The following NYNRIN variants were observed in gnomAD, a reference collection of about 807,000 sequenced individuals.
NYNRIN encodes NYN domain and retroviral integrase containing.
In NYNRIN, 86 loss-of-function variants were observed where a neutral mutation model predicts 146.6. That is an observed-to-expected ratio of 0.59 (90% CI 0.49 to 0.70). NYNRIN has a LOEUF of 0.70. Among genes scored for constraint, NYNRIN ranks in the 30% least tolerant of loss-of-function variants. The pLI, the probability that NYNRIN is intolerant of heterozygous loss-of-function variation, is 0.00. For synonymous variants in NYNRIN, 1,027 were observed against 1,001.3 expected, an observed-to-expected ratio of 1.03 and a Z score of -0.48; for missense variants, 2,191 against 2,377.7, an observed-to-expected ratio of 0.92 and a Z score of 1.63.
In NYNRIN at chr14:24,416,866, G is replaced by C. The variant is rs765850035; in HGVS notation, c.5117G>C (p.Arg1706Pro). 1 of 1,607,616 alleles carries C rather than the reference G, an allele frequency of 6.2e-7. No homozygotes were observed. Among genetic ancestry groups the C allele is most frequent in the Non-Finnish European group, 8.5e-7 (1 of 1,176,416 alleles). Residue 1706 changes from arginine (R) to proline (P), a missense_variant, in exon 9 of 9, where the codon CGG becomes CCG. Around this residue, in one of 3 missense-constraint regions of NYNRIN, gnomAD observed 1,291 missense variants for 1,417.0 expected, o/e 0.91. Coordinates refer to ENST00000382554, the MANE Select transcript of NYNRIN (RefSeq NM_025081.3). ...ALGAQVASLSRDLQFPCLTSS... is the reference protein window; with the variant it reads ...ALGAQVASLSPDLQFPCLTSS... The stretch of plus-strand genomic sequence containing the variant: ...GGAGCCCAGGTGGCCTCCCTGAGTC[G>C]GGACCTCCAGTTCCCCTGCCTGACG...
In NYNRIN at chr14:24,411,062, C is replaced by G. The variant is rs770918202; in HGVS notation, c.2415-14C>G. ...TGGTGAGGCAGGGTCTTTCCTTGTC[C>G]CACGACCCCACAGGCATGGCCTGCA... On this transcript the variant is annotated splice_polypyrimidine_tract_variant and intron_variant, in intron 4 of 8. Coordinates refer to ENST00000382554, the MANE Select transcript of NYNRIN (RefSeq NM_025081.3). The surrounding 1 kb of genome is among the most constrained non-coding windows in gnomAD (Gnocchi z 4.3). 1 of 1,613,406 alleles carries G rather than the reference C, an allele frequency of 6.2e-7. No individual in the cohort carries two copies. The highest frequency in any genetic ancestry group is 8.5e-7 in the Non-Finnish European group (1 of 1,179,758).
chr14:24,412,150 AC>A (rs1480531453), intron 6 of NYNRIN, among the ~76,000 whole-genome samples: 1 of 152,180 alleles, frequency 6.6e-6, no homozygotes, highest in Non-Finnish European at 1.5e-5. Flanking sequence ...AAGACCTGGC[AC>A]CCAACCAGGC....
In NYNRIN at chr14:24,413,423, A is replaced by C. The variant is rs935187998; in HGVS notation, c.2846+6A>C. On this transcript the variant is annotated splice_donor_region_variant and intron_variant, in intron 8 of 8. Coordinates refer to ENST00000382554, the MANE Select transcript of NYNRIN (RefSeq NM_025081.3). ...TTTCTGAAGAAGCCAAACAGGTAAT[A>C]GGTCAGACCTCCCCAGCCTCCCAGG... is the stretch of plus-strand genomic sequence containing the variant. The C allele has an allele frequency of 6.3e-7, 1 of 1,591,384 alleles. No individual in the cohort carries two copies. The highest frequency in any genetic ancestry group is 1.8e-5 in the Admixed American group (1 of 56,200).
At chr14:24,403,658 G>A (rs576264944) in intron 2 of NYNRIN, among the ~76,000 whole-genome samples, 2 of 152,332 alleles carry the variant, frequency 1.3e-5, no homozygotes, top group South Asian at 4.1e-4. Context: ...TGCCTGGCAT[G>A]TAGTCAAGAA....
chr14:24,413,592 A>C (rs1470853326), intron 8 of NYNRIN, among the ~76,000 whole-genome samples, 175 bp downstream of exon 8: 1 of 152,256 alleles, frequency 6.6e-6, no homozygotes, highest in Non-Finnish European at 1.5e-5. Context: ...GTAGGTTTTA[A>C]TACATATATG....
chr14:24,413,349 C>T lies in NYNRIN; in HGVS notation c.2778C>T (p.Phe926=). 6.2e-7 allele frequency: 1 copy of T among 1,613,476 alleles called. No individual in the cohort carries two copies. The change falls in exon 8 of 9, where the codon TTC becomes TTT. Residue 926 remains phenylalanine (F), a synonymous_variant. Transcript: ENST00000382554. ...LLPFTFAGNL[F]MVPDDPLGRD... ...CTTTCACCTTTGCGGGGAATCTCTT[C>T]ATGGTGCCTGATGACCCCCTGGGCC...
chr14:24,411,560 G>T lies in NYNRIN; in HGVS notation c.2642+110G>T, dbSNP rs1299332952. On this transcript the variant is annotated intron_variant, in intron 6 of 8. Coordinates refer to ENST00000382554, the MANE Select transcript of NYNRIN (RefSeq NM_025081.3). This position sits in a 1 kb window ranked among gnomAD's most constrained non-coding sequence, Gnocchi z 4.3. ...TGGGGAAATGGAGGCAAACATGTTG[G>T]GGGTGTCGGTTGTGCAGAGGGTGGG... is the stretch of plus-strand genomic sequence containing the variant. 3 of 938,410 alleles carry T rather than the reference G, an allele frequency of 3.2e-6. No individual in the cohort carries two copies. The highest frequency in any genetic ancestry group is 4.8e-5 in the East Asian group (2 of 41,742). 58.1% of individuals were successfully genotyped at this position (938,410 alleles called of 1,614,324 possible).
In NYNRIN at chr14:24,411,439, C is replaced by T; in HGVS notation, c.2631C>T (p.Thr877=). 1 of 1,613,846 alleles carries T rather than the reference C, an allele frequency of 6.2e-7. No individual in the cohort carries two copies. Among genetic ancestry groups the T allele is most frequent in the Non-Finnish European group, 8.5e-7 (1 of 1,179,734 alleles). The change falls in exon 6 of 9, where the codon ACC becomes ACT. Residue 877 remains threonine (T), a synonymous_variant. Coordinates refer to ENST00000382554, the MANE Select transcript of NYNRIN (RefSeq NM_025081.3). This position sits in a 1 kb window ranked among gnomAD's most constrained non-coding sequence, Gnocchi z 4.3. ...SQLENGKKIT[T]YDYRFMVKLA... ...TTGAGAATGGCAAGAAGATCACCAC[C>T]TACGATTATAGGTGTGCCGGTCCCC...
In NYNRIN at chr14:24,417,545, A is replaced by G. The variant is rs2042956756; in HGVS notation, c.*99A>G. 5 of 1,384,438 alleles carry G rather than the reference A, an allele frequency of 3.6e-6. No individual in the cohort carries two copies. The highest frequency in any genetic ancestry group is 4.7e-6 in the Non-Finnish European group (5 of 1,070,188). 85.8% of individuals were successfully genotyped at this position (1,384,438 alleles called of 1,614,324 possible). A position where few individuals can be genotyped will look rare whatever the true frequency, so the allele number is the denominator to read the frequency against. On this transcript the variant is annotated 3_prime_UTR_variant, in exon 9 of 9. Transcript: ENST00000382554. ...TGCTCTCAGTCCACTGGGGGCCCTCAGTTGTGCCTTTTGTAGAGAACTTGC... is the reference window on the plus strand; with the variant it reads ...TGCTCTCAGTCCACTGGGGGCCCTCGGTTGTGCCTTTTGTAGAGAACTTGC...
Position 24,411,117 on chromosome 14 carries a change from T to C in NYNRIN, c.2456T>C (p.Met819Thr), listed in dbSNP as rs772745095. ...TTCTTCTCCTGCCGAGGAATTGCCA[T>C]GGCAGTGCAGTTTTTCTGGAACCGG... ...QHFFSCRGIAMAVQFFWNRGH... is the reference protein window; with the variant it reads ...QHFFSCRGIATAVQFFWNRGH... Residue 819 changes from methionine to threonine, a missense_variant, in exon 5 of 9, where the codon ATG (methionine) becomes ACG (threonine). By Grantham distance (81) the Met-to-Thr change is moderately conservative (BLOSUM62 -1). Coordinates refer to ENST00000382554, the MANE Select transcript of NYNRIN (RefSeq NM_025081.3). The surrounding 1 kb of genome is among the most constrained non-coding windows in gnomAD (Gnocchi z 4.3). 5 of 1,613,630 alleles carry C rather than the reference T, an allele frequency of 3.1e-6. No homozygotes were observed. The highest frequency in any genetic ancestry group is 1.7e-4 in the Middle Eastern group (1 of 6,060).
Position 24,410,047 on chromosome 14 carries a change from C to T in NYNRIN, c.2253C>T (p.Ala751=). The change falls in exon 4 of 9, where the codon GCC becomes GCT. Residue 751 remains alanine (A), a synonymous_variant. Coordinates refer to ENST00000382554, the MANE Select transcript of NYNRIN (RefSeq NM_025081.3). ...GGCTCCTGGGGGCTTGGGAGGGGGC[C>T]CCAAGGCAGCCACCTCGCCACCTGC... ...MEGLLGAWEG[A]PRQPPRHLQA... The T allele has an allele frequency of 1.2e-6, 2 of 1,613,902 alleles. No homozygotes were observed. The highest frequency in any genetic ancestry group is 8.5e-7 in the Non-Finnish European group (1 of 1,179,898).
intron 2 of NYNRIN, among the ~76,000 whole-genome samples, chr14:24,404,278 C>G (rs12890088): frequency 9.9e-5 from 15 of 152,148 alleles, no homozygotes; most frequent in Admixed American, 8.5e-4. Context: ...ATCTTTGAAG[C>G]CTTTTCTTGG....
At chr14:24,405,639 G>A (rs941530711) in intron 2 of NYNRIN, among the ~76,000 whole-genome samples, 3 of 152,142 alleles carry the variant, frequency 2.0e-5, no homozygotes, top group Non-Finnish European at 2.9e-5. Context: ...GAAGACCCCC[G>A]ACTGTGGAGC....
In NYNRIN at chr14:24,411,525, C is replaced by A; in HGVS notation, c.2642+75C>A. ...GCTGGTGTGTCAGGTGGAGTCCGGC[C>A]TGTCTTCTCTGGGGAAATGGAGGCA... On this transcript the variant is annotated intron_variant, in intron 6 of 8. Coordinates refer to ENST00000382554, the MANE Select transcript of NYNRIN (RefSeq NM_025081.3). This position sits in a 1 kb window ranked among gnomAD's most constrained non-coding sequence, Gnocchi z 4.3. 1 of 1,280,454 alleles carries A rather than the reference C, an allele frequency of 7.8e-7. No individual in the cohort carries two copies. The highest frequency in any genetic ancestry group is 1.1e-6 in the Non-Finnish European group (1 of 884,456). 79.3% of individuals were successfully genotyped at this position (1,280,454 alleles called of 1,614,324 possible).
At chr14:24,402,887 C>T (rs1370527133) in intron 2 of NYNRIN, among the ~76,000 whole-genome samples, 1 of 152,158 alleles carries the variant, frequency 6.6e-6, no homozygotes, top group Non-Finnish European at 1.5e-5. Context: ...GGTTCCCTGC[C>T]CCGGCCCTCC....
chr14:24,412,952 G>T, intron 6 of NYNRIN, 45 bp from the exon 7 acceptor site: 1 of 1,281,220 alleles, frequency 7.8e-7, no homozygotes, highest in Admixed American at 2.0e-5. Context: ...CAGGAAGTGA[G>T]GGGGCTAGTT....
chr14:24,417,034 C>T lies in NYNRIN; in HGVS notation c.5285C>T (p.Thr1762Ile). Residue 1762 changes from threonine (T) to isoleucine (I), a missense_variant, in exon 9 of 9, where the codon ACC becomes ATC. Thr to Ile is a moderately conservative substitution (Grantham distance 89). Transcript: ENST00000382554. Reference sequence around the variant, plus strand: ...GATGCCACACCGTTCAAGGTCCTGACCGGGGGTGAGTCAAGGCTCACGGAG... The same window carrying T: ...GATGCCACACCGTTCAAGGTCCTGATCGGGGGTGAGTCAAGGCTCACGGAG... Reference protein sequence around the residue: ...STDATPFKVLTGGESRLTEPL... With the variant: ...STDATPFKVLIGGESRLTEPL... The T allele has an allele frequency of 6.2e-7, 1 of 1,609,644 alleles. No individual in the cohort carries two copies. The highest frequency in any genetic ancestry group is 1.1e-5 in the South Asian group (1 of 90,468).
chr14:24,413,939 G>A (rs1430753881), intron 8 of NYNRIN, among the ~76,000 whole-genome samples: 2 of 152,210 alleles, frequency 1.3e-5, no homozygotes, highest in Admixed American at 6.5e-5. Flanking sequence ...CTCACAACTT[G>A]AGTTATATGT....
chr14:24,399,079 C>T lies in NYNRIN; in HGVS notation c.-25C>T. The T allele has an allele frequency of 3.4e-6, 2 of 585,348 alleles. No individual in the cohort carries two copies. The highest frequency in any genetic ancestry group is 5.7e-6 in the Non-Finnish European group (2 of 351,486). The allele number at this position is 585,348 out of a possible 1,614,324, so 36.3% of individuals were successfully genotyped here. Reference sequence around the variant, plus strand: ...AGCTCCAGAGGGCGGGCGCCCGAGCCGTGCGGGGTGGGTCCCGCCGCCTGG... The same window carrying T: ...AGCTCCAGAGGGCGGGCGCCCGAGCTGTGCGGGGTGGGTCCCGCCGCCTGG... On this transcript the variant is annotated 5_prime_UTR_variant, in exon 1 of 9. Coordinates refer to ENST00000382554, the MANE Select transcript of NYNRIN (RefSeq NM_025081.3).
Sources: gnomAD v4.1 joint callset for allele counts (sites outside exome capture counted in the v4.1 genomes callset) on GRCh38, gnomAD v4.1.1 for gene constraint, gnomAD v4.1.1 regional missense constraint, Gnocchi (gnomAD v3.1) non-coding constraint, MANE v1.5 for transcripts, NCBI Gene and HGNC (gene_info 2026-07-23, HGNC 2026-07-21) for gene names.